Variants in NAV1 observed in about 807,000 individuals in gnomAD.
NAV1 encodes pore membrane and/or filament interacting like protein 3.
A neutral mutation model predicts 175.2 loss-of-function variants in NAV1; 18 were observed. The ratio of observed to expected loss-of-function variants is 0.10; its 90% CI spans 0.07 to 0.15. The LOEUF is 0.15. NAV1 is among the 10% of genes least tolerant of loss of function. NAV1 has a pLI of 1.00. For synonymous variants in NAV1, 897 were observed against 978.7 expected (o/e 0.92, Z 1.56); for missense variants, 1,731 against 2,436.6 (o/e 0.71, Z 6.10).
At position 201,807,792 on chromosome 1, in the gene NAV1, T is replaced by C. The variant is rs1317755463; in HGVS notation, c.3649-161T>C. Among the ~76,000 whole-genome samples the C allele has an allele frequency of 6.6e-6, 1 of 152,164 alleles. No homozygotes were observed. Among genetic ancestry groups the C allele is most frequent in the Non-Finnish European group, 1.5e-5 (1 of 68,030 alleles). On this transcript the variant is annotated intron_variant, in intron 17 of 29. Transcript: ENST00000367296. This position sits in a 1 kb window ranked among gnomAD's most constrained non-coding sequence, Gnocchi z 5.4. ...GGTCCTAATTTCTAGGCAACTCTTC[T>C]GTCCGTATTCTATGAATCAAGTGAA...
chr1:201,804,337 C>T lies in NAV1; in HGVS notation c.3640-152C>T, dbSNP rs16849370. On this transcript the variant is annotated intron_variant, in intron 16 of 29. Transcript: ENST00000367296. The stretch of plus-strand genomic sequence containing the variant: ...GTAAGAAAGCATCCCCAGGTGGACA[C>T]GTCCTGCTCCTCTGTCCCCTGTTCA... Among the ~76,000 whole-genome samples the T allele has an allele frequency of 6.7e-3, 1,013 of 152,162 alleles. 8 individuals are homozygous for T. The highest frequency in any genetic ancestry group is 0.022 in the African/African-American group (915 of 41,496).
At chr1:201,617,285 A>G (rs932632379) in intron 2 of NAV1, among the ~76,000 whole-genome samples, 1 of 151,866 alleles carries the variant, frequency 6.6e-6, no homozygotes, top group African/African-American at 2.4e-5. Context: ...ACACACTCCC[A>G]TAAGAAAGAA....
At chr1:201,654,951 G>A (rs1669342668) in intron 1 of NAV1, among the ~76,000 whole-genome samples, 1 of 152,146 alleles carries the variant, frequency 6.6e-6, no homozygotes, top group African/African-American at 2.4e-5. Flanking sequence ...TTTGCTCTCT[G>A]GATGCTTACA....
chr1:201,794,858 C>A, intron 15 of NAV1: 1 of 369,644 alleles, frequency 2.7e-6, no homozygotes, highest in Non-Finnish European at 5.0e-6. Context: ...CAAAGACCAT[C>A]GTTAAAATAG....
In NAV1 at chr1:201,577,699, A is replaced by G. The variant is rs114902346; in HGVS notation, c.-143-10840A>G. Among the ~76,000 whole-genome samples, 319 of 152,222 alleles carry G rather than the reference A, an allele frequency of 2.1e-3. 2 individuals carry two copies. The highest frequency in any genetic ancestry group is 7.5e-3 in the African/African-American group (313 of 41,540). On this transcript the variant is annotated intron_variant, in intron 1 of 33. Transcript: ENST00000685211. ...AGTCCTTCTGGCAACAAAGTCTCTT[A>G]GTTTCTCTTCATCTGAGAATGTTCT...
At chr1:201,583,508 G>A (rs1403928837) in intron 1 of NAV1, among the ~76,000 whole-genome samples, 1 of 152,246 alleles carries the variant, frequency 6.6e-6, no homozygotes, top group Admixed American at 6.5e-5. Flanking sequence ...GCTGGAGATA[G>A]GAATCTCTGA....
chr1:201,818,501 G>GCCTGGC (rs1053051622), intron 29 of NAV1, among the ~76,000 whole-genome samples: 1 of 149,516 alleles, frequency 6.7e-6, no homozygotes, highest in African/African-American at 2.5e-5. Flanking sequence ...GCACACTCCA[G>GCCTGGC]CCTGGCGACA....
At chr1:201,789,939 G>T (rs1013240768) in intron 11 of NAV1, 147 bp downstream of exon 15, 1 of 739,852 alleles carries the variant, frequency 1.4e-6, no homozygotes, top group Non-Finnish European at 2.3e-6. Context: ...AATGGGGGAG[G>T]CACCTAGAGC....
At chr1:201,708,024 G>C (rs1671741697) in intron 1 of NAV1, among the ~76,000 whole-genome samples, 1 of 152,068 alleles carries the variant, frequency 6.6e-6, no homozygotes, top group Admixed American at 6.6e-5. Flanking sequence ...TGAGTAGCTG[G>C]GCATTATTTG....
chr1:201,692,792 G>C (rs145689703), intron 1 of NAV1, among the ~76,000 whole-genome samples: 2 of 152,394 alleles, frequency 1.3e-5, no homozygotes, highest in African/African-American at 2.4e-5. Context: ...CATGGCCTGT[G>C]CCTCCAGGGA....
At chr1:201,605,853 T>C (rs1667658958) in intron 2 of NAV1, among the ~76,000 whole-genome samples, 1 of 151,988 alleles carries the variant, frequency 6.6e-6, no homozygotes, top group African/African-American at 2.4e-5. Context: ...GCCTAAGCAC[T>C]GTGGGGGGGT....
chr1:201,577,594 T>A (rs1353565628), intron 1 of NAV1, among the ~76,000 whole-genome samples: 1 of 151,804 alleles, frequency 6.6e-6, no homozygotes, highest in African/African-American at 2.4e-5. Context: ...CAGTTGGGCA[T>A]ATTTGTGTGG....
intron 3 of NAV1, among the ~76,000 whole-genome samples, chr1:201,728,409 T>C (rs1672699693): frequency 6.6e-6 from 1 of 151,752 alleles, no homozygotes; most frequent in African/African-American, 2.4e-5. Context: ...CTGGCCAACA[T>C]GGTGAAACCC....
chr1:201,704,333 G>A (rs1671571086), intron 1 of NAV1, among the ~76,000 whole-genome samples: 1 of 152,238 alleles, frequency 6.6e-6, no homozygotes, highest in Non-Finnish European at 1.5e-5. Flanking sequence ...ACCTCGCTGC[G>A]CTGCAGTCGC....
At position 201,649,482 on chromosome 1, in the gene NAV1, G is replaced by T. The variant is rs1278400577; in HGVS notation, c.757+57G>T. 6.2e-6 allele frequency: 9 copies of T among 1,449,074 alleles called. No individual in the cohort carries two copies. The African/African-American group carries it at 1.1e-4, about 18-fold the overall frequency. 89.8% of individuals were successfully genotyped at this position (1,449,074 alleles called of 1,614,324 possible). A position where few individuals can be genotyped will look rare whatever the true frequency, so the allele number is the denominator to read the frequency against. On this transcript the variant is annotated intron_variant, in intron 1 of 29. Coordinates refer to ENST00000367296, the Ensembl canonical transcript of NAV1. The stretch of plus-strand genomic sequence containing the variant: ...CTGGCTTTCTCCTAACCAGCTGCTG[G>T]GGAAGGTGTGGGGAAAGCGAAGCCC...
chr1:201,685,721 A>G (rs1361324528), intron 1 of NAV1, among the ~76,000 whole-genome samples: 2 of 152,178 alleles, frequency 1.3e-5, no homozygotes, highest in East Asian at 3.9e-4. Flanking sequence ...AGTCCACAAG[A>G]CTTGAAATGA....
chr1:201,688,670 G>C (rs1571885098), intron 1 of NAV1, among the ~76,000 whole-genome samples: 1 of 152,138 alleles, frequency 6.6e-6, no homozygotes, highest in African/African-American at 2.4e-5. Context: ...ATTATTCAGG[G>C]ATTCTGAGAG....
At chr1:201,607,523 G>A (rs998728880) in intron 2 of NAV1, among the ~76,000 whole-genome samples, 9 of 150,734 alleles carry the variant, frequency 6.0e-5, no homozygotes, top group Non-Finnish European at 1.0e-4. Flanking sequence ...ATGGAGTCTC[G>A]CTCTGTCTCC....
At chr1:201,704,023 C>T (rs553687763) in intron 1 of NAV1, among the ~76,000 whole-genome samples, 14 of 152,198 alleles carry the variant, frequency 9.2e-5, no homozygotes, top group Non-Finnish European at 2.1e-4. Context: ...AAACTTTGGC[C>T]CTGAATCAGA....
Sources: allele counts gnomAD v4.1 joint callset (sites outside exome capture counted in the v4.1 genomes callset), GRCh38; gene constraint gnomAD v4.1.1; non-coding constraint Gnocchi (gnomAD v3.1); transcripts MANE v1.5; gene names NCBI Gene and HGNC (gene_info 2026-07-23, HGNC 2026-07-21).